Variants in DLG2 observed in about 807,000 individuals in gnomAD.
DLG2 encodes the protein disks large homolog 2.
In DLG2, 45 loss-of-function variants were observed where a neutral mutation model predicts 132.5. That is an observed-to-expected ratio of 0.34 (90% confidence interval 0.27 to 0.44). The LOEUF (loss-of-function observed/expected upper bound fraction) is 0.44. Ranked by LOEUF, DLG2 falls within the 20% of genes least tolerant of loss-of-function variation. The pLI, the probability that DLG2 is intolerant of heterozygous loss-of-function variation, is 1.00. For synonymous variants in DLG2, 424 were observed against 419.6 expected (o/e 1.01, Z -0.13); for missense variants, 1,045 against 1,196.9 (o/e 0.87, Z 1.87).
At chr11:84,679,280 G>A (rs2099722864) in intron 6 of DLG2, among the ~76,000 whole-genome samples, 1 of 151,990 alleles carries the variant, frequency 6.6e-6, no homozygotes, top group South Asian at 2.1e-4. Context: ...AAAATATAAT[G>A]AAATATTTCA....
At chr11:84,319,113 TA>T (rs2098387764) in intron 7 of DLG2, among the ~76,000 whole-genome samples, 2 of 152,310 alleles carry the variant, frequency 1.3e-5, no homozygotes, top group South Asian at 4.1e-4. Flanking sequence ...ACAAAGGCAT[TA>T]ATAGTTTTTG....
chr11:85,188,344 T>A (rs540378352), intron 4 of DLG2, among the ~76,000 whole-genome samples: 1 of 152,100 alleles, frequency 6.6e-6, no homozygotes, highest in African/African-American at 2.4e-5. Context: ...ATTACATAGA[T>A]TGAATGCAGG....
At chr11:84,730,435 AC>A (rs1441747361) in intron 6 of DLG2, among the ~76,000 whole-genome samples, 3 of 152,072 alleles carry the variant, frequency 2.0e-5, no homozygotes, top group African/African-American at 7.2e-5. Context: ...TTCATTCATT[AC>A]ACACCAAAGC....
intron 15 of DLG2, among the ~76,000 whole-genome samples, chr11:83,897,282 A>G (rs61901781): frequency 0.096 from 14,675 of 152,212 alleles, 839 homozygotes; most frequent in Middle Eastern, 0.2. Flanking sequence ...CAACTCTTGG[A>G]TTTGAATCTT....
At chr11:85,300,338 C>T (rs2079510745) in intron 3 of DLG2, among the ~76,000 whole-genome samples, 1 of 152,088 alleles carries the variant, frequency 6.6e-6, no homozygotes, top group Non-Finnish European at 1.5e-5. Context: ...CTCTAGAGTA[C>T]CTGAAGCACT....
At chr11:85,454,823 G>A (rs2092367516) in intron 3 of DLG2, among the ~76,000 whole-genome samples, 1 of 151,952 alleles carries the variant, frequency 6.6e-6, no homozygotes, top group South Asian at 2.1e-4. Context: ...TTAGTTTTGT[G>A]GAAGATCAGA....
At chr11:83,882,733 TTAGAC>T (rs1344398035) in intron 15 of DLG2, among the ~76,000 whole-genome samples, 1 of 152,220 alleles carries the variant, frequency 6.6e-6, no homozygotes, top group East Asian at 1.9e-4. Flanking sequence ...AATCCAAACT[TTAGAC>T]TAACAAGTCA....
At chr11:84,537,261 C>G (rs1480819859) in intron 6 of DLG2, among the ~76,000 whole-genome samples, 1 of 152,106 alleles carries the variant, frequency 6.6e-6, no homozygotes, top group African/African-American at 2.4e-5. Context: ...CGGGCACCAC[C>G]ACGCCTGGCT....
chr11:84,084,899 C>T (rs1427678474), intron 10 of DLG2, among the ~76,000 whole-genome samples: 1 of 152,176 alleles, frequency 6.6e-6, no homozygotes, highest in Non-Finnish European at 1.5e-5. Flanking sequence ...CACTGATCTC[C>T]ACCCTGCTCC....
intron 18 of DLG2, among the ~76,000 whole-genome samples, chr11:83,718,842 T>C (rs1291980725): frequency 6.6e-6 from 1 of 152,178 alleles, no homozygotes; most frequent in Non-Finnish European, 1.5e-5. Flanking sequence ...TAATACACCG[T>C]AGGGCCAGCT....
At chr11:85,198,289 A>G (rs984687727) in intron 4 of DLG2, among the ~76,000 whole-genome samples, 1 of 152,086 alleles carries the variant, frequency 6.6e-6, no homozygotes, top group African/African-American at 2.4e-5. Flanking sequence ...TTTTGTGGAG[A>G]GCAGATTTTC....
intron 14 of DLG2, among the ~76,000 whole-genome samples, chr11:83,933,125 T>C (rs1365460153): frequency 6.6e-6 from 1 of 152,212 alleles, no homozygotes; most frequent in Non-Finnish European, 1.5e-5. Context: ...AATGCCGTTT[T>C]ATAAACCATC....
intron 2 of DLG2, among the ~76,000 whole-genome samples, chr11:85,607,507 T>C (rs544134424): frequency 9.8e-5 from 15 of 152,312 alleles, no homozygotes; most frequent in South Asian, 8.3e-4. Flanking sequence ...TCACCTGTCT[T>C]CTCCAAGGCT....
Position 85,054,941 on chromosome 11 carries a change from T to C in DLG2, c.357+56720A>G, listed in dbSNP as rs150311977. On this transcript the variant is annotated intron_variant, in intron 6 of 27. Coordinates refer to ENST00000376104, the MANE Select transcript of DLG2 (RefSeq NM_001142699.3). ...AGTACTGGGGTGATGGAATCATTCA[T>C]ACCCAGTACGAACGCAGCATCATGC... 4.1e-3 allele frequency among the ~76,000 whole-genome samples: 623 copies of C among 152,268 alleles called. 1 individual carries two copies. The highest frequency in any genetic ancestry group is 6.7e-3 in the Non-Finnish European group (457 of 68,020).
rs187296528 is a variant in DLG2, at chr11:84,494,745, A to G, written c.519+39825T>C. Among the ~76,000 whole-genome samples, 219 of 152,278 alleles carry G rather than the reference A, an allele frequency of 1.4e-3. 3 individuals carry two copies. Among genetic ancestry groups the G allele is most frequent in the Middle Eastern group, 6.8e-3 (2 of 294 alleles). On this transcript the variant is annotated intron_variant, in intron 7 of 27. Coordinates refer to ENST00000376104, the MANE Select transcript of DLG2 (RefSeq NM_001142699.3). The stretch of plus-strand genomic sequence containing the variant: ...AGCATGACTAGAAGAAGCAAGAGCT[A>G]TGCAAAGCCACAGGATCTAAGTGTT...
At chr11:85,122,214 G>A (rs1260101268) in intron 5 of DLG2, among the ~76,000 whole-genome samples, 1 of 152,162 alleles carries the variant, frequency 6.6e-6, no homozygotes. Flanking sequence ...ACCAGATAAA[G>A]ACTATAACAA....
intron 6 of DLG2, among the ~76,000 whole-genome samples, chr11:84,628,387 A>G (rs1174089121): frequency 1.3e-5 from 2 of 152,224 alleles, no homozygotes; most frequent in African/African-American, 4.8e-5. Context: ...CAAAAGGTTT[A>G]CAATCTCTGC....
In DLG2 at chr11:85,262,432, T is replaced by C. The variant is rs1321580145; in HGVS notation, c.186+22788A>G. 2.6e-5 allele frequency among the ~76,000 whole-genome samples: 4 copies of C among 152,182 alleles called. No individual in the cohort carries two copies. The East Asian group carries it at 7.7e-4, about 29-fold the overall frequency. On this transcript the variant is annotated intron_variant, in intron 4 of 27. Coordinates refer to ENST00000376104, the MANE Select transcript of DLG2 (RefSeq NM_001142699.3). The stretch of plus-strand genomic sequence containing the variant: ...AATTCTTAACAAGACCCGTTTAGGA[T>C]TAAACAAGTTTATTGGAGGTCTGAA...
intron 6 of DLG2, among the ~76,000 whole-genome samples, chr11:84,743,806 C>T (rs539534476): frequency 1.2e-4 from 18 of 151,992 alleles, no homozygotes; most frequent in African/African-American, 4.1e-4. Flanking sequence ...CTCACTGCAA[C>T]CTCCACTCTC....
Sources: gnomAD v4.1 joint callset for allele counts (sites outside exome capture counted in the v4.1 genomes callset) on GRCh38, gnomAD v4.1.1 for gene constraint, MANE v1.5 for transcripts, NCBI Gene and HGNC (gene_info 2026-07-23, HGNC 2026-07-21) for gene names.